DNAJC1: variants seen among roughly 807,000 people sequenced by gnomAD.
DNAJC1 encodes the protein dnaJ homolog subfamily C member 1.
Under a neutral mutation model 76.6 loss-of-function variants are expected in DNAJC1, and 58 were observed. The observed-to-expected ratio is 0.76, with a 90% CI of 0.61 to 0.94. DNAJC1 has a LOEUF of 0.94. DNAJC1 is among the 40% of genes least tolerant of loss of function. DNAJC1 has a pLI of 0.00. For missense variants in DNAJC1, 689 were observed against 677.3 expected (o/e 1.02, Z -0.19); for synonymous variants, 258 against 267.9 (o/e 0.96, Z 0.36).
rs751898546 is a variant in DNAJC1 at position 21,918,888 on chromosome 10, A to G, written c.636-16T>C. On this transcript the variant is annotated splice_polypyrimidine_tract_variant and intron_variant, in intron 5 of 11. Coordinates refer to ENST00000376980, the MANE Select transcript of DNAJC1 (RefSeq NM_022365.4). ...CATCAGCAATCTAAAGGGAGGGAGA[A>G]AAAAGAACACCATACAACATATGAG... The G allele has an allele frequency of 6.4e-7, 1 of 1,569,280 alleles. No homozygotes were observed. The highest frequency in any genetic ancestry group is 1.7e-5 in the Admixed American group (1 of 59,930).
chr10:21,920,694 G>T, intron 4 of DNAJC1, 104 bp downstream of exon 4: 2 of 1,046,766 alleles, frequency 1.9e-6, no homozygotes, highest in Non-Finnish European at 2.7e-6. Flanking sequence ...AGAATGAGAA[G>T]TATACAGAGA....
intron 7 of DNAJC1, 64 bp downstream of exon 7, chr10:21,904,458 A>G: frequency 9.3e-7 from 1 of 1,079,656 alleles, no homozygotes; most frequent in Non-Finnish European, 1.3e-6. Context: ...AATTTAAAAG[A>G]TAATTCACAT....
At chr10:21,954,222 T>C (rs1837645515) in intron 1 of DNAJC1, among the ~76,000 whole-genome samples, 1 of 152,168 alleles carries the variant, frequency 6.6e-6, no homozygotes, top group Non-Finnish European at 1.5e-5. Context: ...GGAAATAAAA[T>C]TATGATGTGA....
At chr10:21,774,719 C>T (rs925231354) in intron 9 of DNAJC1, among the ~76,000 whole-genome samples, 7 of 152,272 alleles carry the variant, frequency 4.6e-5, no homozygotes, top group East Asian at 1.9e-4. Context: ...CCTCGTGATC[C>T]GCCTGCCTCA....
intron 1 of DNAJC1, among the ~76,000 whole-genome samples, chr10:21,997,226 T>C (rs1838430344): frequency 6.6e-6 from 1 of 152,208 alleles, no homozygotes; most frequent in South Asian, 2.1e-4. Context: ...TGATGGGCTT[T>C]AGGGAGGCCC....
intron 1 of DNAJC1, among the ~76,000 whole-genome samples, chr10:21,931,143 C>T (rs1837215090): frequency 6.6e-6 from 1 of 152,160 alleles, no homozygotes; most frequent in Non-Finnish European, 1.5e-5. Context: ...CTACCAGGTG[C>T]CTTTGTCACT....
At chr10:21,924,584 T>G (rs1275618442) in intron 3 of DNAJC1, among the ~76,000 whole-genome samples, 1 of 152,206 alleles carries the variant, frequency 6.6e-6, no homozygotes, top group Non-Finnish European at 1.5e-5. Flanking sequence ...TAAAAATTTG[T>G]TGGAACATAG....
chr10:21,977,656 C>CT (rs1377777219), intron 1 of DNAJC1, among the ~76,000 whole-genome samples: 1 of 152,080 alleles, frequency 6.6e-6, no homozygotes, highest in East Asian at 1.9e-4. Flanking sequence ...AATTATTAAG[C>CT]TTTTTTCACA....
intron 6 of DNAJC1, among the ~76,000 whole-genome samples, chr10:21,912,721 C>A (rs1836884448): frequency 6.6e-6 from 1 of 152,124 alleles, no homozygotes; most frequent in African/African-American, 2.4e-5. Flanking sequence ...GCAGGCGACT[C>A]AGCTTGAAAC....
intron 3 of DNAJC1, among the ~76,000 whole-genome samples, chr10:21,922,147 A>G (rs1837052614): frequency 6.6e-6 from 1 of 152,038 alleles, no homozygotes; most frequent in South Asian, 2.1e-4. Flanking sequence ...CGATCTAGGA[A>G]TAATAGCGCA....
chr10:21,996,440 C>T (rs1380520062), intron 1 of DNAJC1, among the ~76,000 whole-genome samples: 1 of 152,142 alleles, frequency 6.6e-6, no homozygotes, highest in Non-Finnish European at 1.5e-5. Context: ...GTCAAATAAC[C>T]TCAACCTCTG....
chr10:21,868,375 G>A (rs1294923923), intron 8 of DNAJC1, among the ~76,000 whole-genome samples: 2 of 151,566 alleles, frequency 1.3e-5, no homozygotes, highest in African/African-American at 2.4e-5. Flanking sequence ...CACCTGCCTC[G>A]GCCTCCCAAA....
intron 11 of DNAJC1, 79 bp downstream of exon 11, chr10:21,759,091 G>C: frequency 7.1e-7 from 1 of 1,404,046 alleles, no homozygotes; most frequent in Non-Finnish European, 9.7e-7. Context: ...AATGAGGGAA[G>C]AAGCTGCAGG....
intron 8 of DNAJC1, among the ~76,000 whole-genome samples, chr10:21,812,475 A>AT (rs1005191114): frequency 2.6e-5 from 4 of 152,010 alleles, no homozygotes; most frequent in Non-Finnish European, 5.9e-5. Flanking sequence ...TAGTTTTAAG[A>AT]TTTTTTTATA....
chr10:21,921,013 A>G (rs1837034845), intron 3 of DNAJC1, 50 bp from the exon 4 acceptor site: 1 of 1,461,666 alleles, frequency 6.8e-7, no homozygotes, highest in African/African-American at 1.4e-5. Flanking sequence ...AATAAAAACA[A>G]AAAAAACTAT....
At chr10:21,953,792 T>A (rs1369486088) in intron 1 of DNAJC1, among the ~76,000 whole-genome samples, 1 of 105,254 alleles carries the variant, frequency 9.5e-6, no homozygotes, top group East Asian at 2.8e-4. Flanking sequence ...ATCACTGCCA[T>A]CAAGTGGTAA....
Position 21,904,542 on chromosome 10 carries a change from G to C in DNAJC1, c.800C>G (p.Thr267Ser). ...CTCACTTTGAAGTGTTTCAAGTTCA[G>C]TTCTAGTCAGTGCATCTTCCTTTTC... ...LKEKEDALTR[T>S]ELETLQKQKK... is the part of the protein sequence containing the mutation. Residue 267 changes from threonine (T) to serine (S), a missense_variant, in exon 7 of 12, where the codon ACT (threonine) becomes AGT (serine). Physicochemically the swap from Thr to Ser is moderately conservative, Grantham distance 58 (BLOSUM62 1). Transcript: ENST00000376980. 6.2e-7 allele frequency: 1 copy of C among 1,600,514 alleles called. No homozygotes were observed. Among genetic ancestry groups the C allele is most frequent in the South Asian group, 1.1e-5 (1 of 87,746 alleles).
intron 8 of DNAJC1, among the ~76,000 whole-genome samples, chr10:21,817,404 A>G (rs904466576): frequency 2.0e-5 from 3 of 152,252 alleles, no homozygotes; most frequent in Admixed American, 6.5e-5. Flanking sequence ...AAGTCCTATC[A>G]TGACTTGTAG....
rs549720714 is a variant in DNAJC1 at position 21,776,683 on chromosome 10, T to C, written c.1099-10374A>G. On this transcript the variant is annotated intron_variant, in intron 9 of 11. Transcript: ENST00000376980. The stretch of plus-strand genomic sequence containing the variant: ...GTGCTCATTCTTGTTATTTCTCTAA[T>C]GTCTTTAAACTTTTCTGTGGATTAT... Among the ~76,000 whole-genome samples, 11 of 152,316 alleles carry C rather than the reference T, an allele frequency of 7.2e-5. No homozygotes were observed. In the South Asian group the frequency reaches 8.3e-4, roughly 11 times the overall value.
Sources: allele counts gnomAD v4.1 joint callset (sites outside exome capture counted in the v4.1 genomes callset), GRCh38; gene constraint gnomAD v4.1.1; transcripts MANE v1.5; gene names NCBI Gene and HGNC (gene_info 2026-07-23, HGNC 2026-07-21).